The following CTNNA3 variants were observed in gnomAD, a reference collection of about 807,000 sequenced individuals.
CTNNA3 encodes the protein catenin alpha-3.
CTNNA3 carries 76 observed loss-of-function variants against 95.7 expected under a neutral mutation model. That is an observed-to-expected ratio of 0.79 (90% CI 0.66 to 0.96). CTNNA3 has a LOEUF of 0.96. Ranked by LOEUF, CTNNA3 falls within the 40% of genes least tolerant of loss-of-function variation. The pLI is 0.00. For synonymous variants in CTNNA3, 431 were observed against 374.4 expected, an observed-to-expected ratio of 1.15 and a Z score of -1.74; for missense variants, 1,191 against 1,089.8, an observed-to-expected ratio of 1.09 and a Z score of -1.31.
intron 11 of CTNNA3, among the ~76,000 whole-genome samples, chr10:66,456,675 C>CA (rs1290453696): frequency 1.3e-5 from 2 of 151,822 alleles, no homozygotes; most frequent in Non-Finnish European, 2.9e-5. Flanking sequence ...GACTCCATCT[C>CA]AAAAAACAAA....
chr10:67,737,231 A>C (rs1267144525), intron 1 of CTNNA3, among the ~76,000 whole-genome samples: 1 of 152,242 alleles, frequency 6.6e-6, no homozygotes, highest in Non-Finnish European at 1.5e-5. Flanking sequence ...AAATTAAATT[A>C]CATGCTCCTG....
intron 5 of CTNNA3, among the ~76,000 whole-genome samples, chr10:67,366,197 AG>A (rs1353311495): frequency 1.3e-5 from 2 of 152,054 alleles, no homozygotes; most frequent in African/African-American, 4.8e-5. Flanking sequence ...CACACACACC[AG>A]GGCCTGTCGG....
intron 10 of CTNNA3, among the ~76,000 whole-genome samples, chr10:66,599,629 AC>A (rs961662262): frequency 3.3e-5 from 5 of 151,698 alleles, no homozygotes. Context: ...TTCTTCTTCT[AC>A]TTTTTTTTTA....
Position 66,017,334 on chromosome 10 carries a change from A to G in CTNNA3, c.2160-28537T>C, listed in dbSNP as rs564724060. Among the ~76,000 whole-genome samples the G allele has an allele frequency of 5.9e-5, 9 of 152,222 alleles. No homozygotes were observed. The South Asian group carries it at 1.9e-3, about 32-fold the overall frequency. On this transcript the variant is annotated intron_variant, in intron 15 of 17. Coordinates refer to ENST00000433211, the MANE Select transcript of CTNNA3 (RefSeq NM_013266.4). The stretch of plus-strand genomic sequence containing the variant: ...TTGCCTTAATATGTTATTATTATTG[A>G]CTTAGCTCTGACCACACCACCTGAT...
chr10:65,994,324 G>A (rs775967790), intron 15 of CTNNA3, among the ~76,000 whole-genome samples: 4 of 152,090 alleles, frequency 2.6e-5, no homozygotes, highest in Non-Finnish European at 4.4e-5. Flanking sequence ...CGAAAACAAA[G>A]GAAAGTAATA....
chr10:67,306,659 G>A (rs958766182), intron 5 of CTNNA3, among the ~76,000 whole-genome samples: 68 of 152,276 alleles, frequency 4.5e-4, no homozygotes, highest in Non-Finnish European at 6.6e-4. Flanking sequence ...TATTTTACCA[G>A]CTAATAGCTC....
At chr10:67,757,514 G>A (rs187608806) in intron 1 of CTNNA3, among the ~76,000 whole-genome samples, 3 of 152,234 alleles carry the variant, frequency 2.0e-5, no homozygotes, top group African/African-American at 2.4e-5. Context: ...CTGCTAATGC[G>A]GCTAGAATAA....
Position 66,963,471 on chromosome 10 carries a change from T to C in CTNNA3, c.1048-187947A>G, listed in dbSNP as rs547094353. 1.5e-4 allele frequency among the ~76,000 whole-genome samples: 23 copies of C among 152,296 alleles called. No homozygotes were observed. The South Asian group carries it at 4.8e-3, about 32-fold the overall frequency. On this transcript the variant is annotated intron_variant, in intron 7 of 17. Transcript: ENST00000433211. ...TTTCATCATTCCTCTTGACAACGAT[T>C]ACTTTCCAAGTAGATGTGAGCAAAT...
chr10:66,897,606 T>C (rs921881601), intron 7 of CTNNA3, among the ~76,000 whole-genome samples: 1 of 152,042 alleles, frequency 6.6e-6, no homozygotes. Context: ...CAATGAAAAA[T>C]GCAAGGAAAT....
chr10:66,495,198 T>C (rs1840059888), intron 11 of CTNNA3, among the ~76,000 whole-genome samples: 1 of 152,102 alleles, frequency 6.6e-6, no homozygotes. Flanking sequence ...AAGAATAAAA[T>C]TATTCTTTGG....
At chr10:66,550,275 G>A (rs778307913) in intron 10 of CTNNA3, among the ~76,000 whole-genome samples, 4 of 152,020 alleles carry the variant, frequency 2.6e-5, no homozygotes, top group African/African-American at 7.2e-5. Flanking sequence ...CAGATTCCAT[G>A]ATATATCATT....
intron 1 of CTNNA3, among the ~76,000 whole-genome samples, chr10:67,656,042 A>G (rs1175432688): frequency 6.6e-6 from 1 of 152,212 alleles, no homozygotes. Flanking sequence ...AGAGTGAAAT[A>G]AAATGGAAAG....
At chr10:67,004,570 C>T (rs1456956686) in intron 7 of CTNNA3, among the ~76,000 whole-genome samples, 1 of 152,042 alleles carries the variant, frequency 6.6e-6, no homozygotes, top group African/African-American at 2.4e-5. Flanking sequence ...TGGAAACCAT[C>T]ATTATTGCCT....
chr10:66,481,349 C>T (rs963190597), intron 11 of CTNNA3, among the ~76,000 whole-genome samples: 1 of 150,498 alleles, frequency 6.6e-6, no homozygotes, highest in Admixed American at 6.6e-5. Flanking sequence ...AATAAATGAA[C>T]AAATTCATTA....
At chr10:66,448,582 A>T (rs1413276585) in intron 11 of CTNNA3, among the ~76,000 whole-genome samples, 1 of 152,070 alleles carries the variant, frequency 6.6e-6, no homozygotes, top group East Asian at 1.9e-4. Flanking sequence ...CAAGGACAAA[A>T]AACCAAACAC....
intron 5 of CTNNA3, among the ~76,000 whole-genome samples, chr10:67,521,144 G>A (rs1839971787): frequency 6.6e-6 from 1 of 152,186 alleles, no homozygotes; most frequent in Non-Finnish European, 1.5e-5. Context: ...TGAAGAAACT[G>A]GAGCAGATTC....
At chr10:67,182,029 T>G (rs144879403) in intron 6 of CTNNA3, among the ~76,000 whole-genome samples, 12,957 of 149,924 alleles carry the variant, frequency 0.086, 598 homozygotes, top group South Asian at 0.2. Flanking sequence ...CACTGCTCAA[T>G]GAAATAAAAG....
At chr10:67,152,446 C>T (rs182931405) in intron 7 of CTNNA3, among the ~76,000 whole-genome samples, 45 of 152,222 alleles carry the variant, frequency 3.0e-4, no homozygotes, top group Non-Finnish European at 4.9e-4. Flanking sequence ...GCATACATTA[C>T]GTTTAGTGTC....
intron 11 of CTNNA3, among the ~76,000 whole-genome samples, chr10:66,500,234 C>T (rs1002650992): frequency 9.2e-5 from 14 of 151,968 alleles, no homozygotes; most frequent in African/African-American, 3.1e-4. Context: ...TTGATACTAG[C>T]AAATTATAAA....
Sources: allele counts gnomAD v4.1 joint callset (sites outside exome capture counted in the v4.1 genomes callset), GRCh38; gene constraint gnomAD v4.1.1; transcripts MANE v1.5; gene names NCBI Gene and HGNC (gene_info 2026-07-23, HGNC 2026-07-21).